Variants in TRPC4 observed in about 807,000 individuals in gnomAD.
The protein encoded by TRPC4 is transient receptor potential cation channel subfamily C member 4.
TRPC4 carries 49 observed loss-of-function variants against 99.4 expected under a neutral mutation model. The observed-to-expected ratio is 0.49, with a 90% CI of 0.39 to 0.63. TRPC4 has a LOEUF of 0.63. TRPC4 is among the 20% of genes least tolerant of loss of function. The pLI, the probability that TRPC4 is intolerant of heterozygous loss-of-function variation, is 0.00. For missense variants in TRPC4, 898 were observed against 1,152.9 expected, an observed-to-expected ratio of 0.78 and a Z score of 3.20; for synonymous variants, 454 against 425.9, an observed-to-expected ratio of 1.07 and a Z score of -0.81.
chr13:37,778,364 A>G (rs2039436), intron 2 of TRPC4, among the ~76,000 whole-genome samples: 148,032 of 152,142 alleles, frequency 0.97, 72,135 homozygotes, highest in East Asian at 1. Context: ...GTGAGATAAA[A>G]CAAGTAAAAT....
At chr13:37,680,290 C>T (rs1267057162) in intron 4 of TRPC4, among the ~76,000 whole-genome samples, 1 of 152,154 alleles carries the variant, frequency 6.6e-6, no homozygotes, top group Non-Finnish European at 1.5e-5. Flanking sequence ...ATTGATTTAG[C>T]AAATGCATTT....
chr13:37,861,416 T>C (rs1250995950), intron 1 of TRPC4, among the ~76,000 whole-genome samples: 1 of 151,652 alleles, frequency 6.6e-6, no homozygotes, highest in Non-Finnish European at 1.5e-5. Flanking sequence ...AGCAATGTAG[T>C]AACTGATAAG....
At chr13:37,815,509 A>G (rs1957825145) in intron 1 of TRPC4, among the ~76,000 whole-genome samples, 1 of 151,976 alleles carries the variant, frequency 6.6e-6, no homozygotes, top group South Asian at 2.1e-4. Context: ...ACAGTGATCA[A>G]AAAAGACAAA....
At position 37,632,717 on chromosome 13, in the gene TRPC4, A is replaced by G. The variant is rs537754060; in HGVS notation, c.*4186T>C. ...TTTAATACATTTTATTATTACCAGTATGCATACAGGTTATCATAAAATCTA... is the reference window on the plus strand; with the variant it reads ...TTTAATACATTTTATTATTACCAGTGTGCATACAGGTTATCATAAAATCTA... On this transcript the variant is annotated 3_prime_UTR_variant, in exon 11 of 11. Transcript: ENST00000379705. 6.6e-6 allele frequency among the ~76,000 whole-genome samples: 1 copy of G among 152,286 alleles called. No individual in the cohort carries two copies. The highest frequency in any genetic ancestry group is 1.9e-4 in the East Asian group (1 of 5,184).
intron 3 of TRPC4, among the ~76,000 whole-genome samples, chr13:37,742,901 T>C (rs948892770): frequency 3.3e-5 from 5 of 152,194 alleles, no homozygotes; most frequent in African/African-American, 1.2e-4. Flanking sequence ...TATATGAAAG[T>C]AAAATGTTAT....
chr13:37,866,847 G>GGT, intron 1 of TRPC4, among the ~76,000 whole-genome samples: 2 of 52,192 alleles, frequency 3.8e-5, no homozygotes, highest in Non-Finnish European at 7.8e-5. Flanking sequence ...TATTTTTTGT[G>GGT]GGGGGGGGCG....
intron 1 of TRPC4, among the ~76,000 whole-genome samples, chr13:37,835,113 G>A (rs573779273): frequency 5.9e-5 from 9 of 151,764 alleles, no homozygotes; most frequent in Non-Finnish European, 1.0e-4. Flanking sequence ...CAAAATAAAA[G>A]CACATTGGAA....
rs376109662 is a variant in TRPC4, at chr13:37,651,464, A to G, written c.1885-5T>C. On this transcript the variant is annotated splice_region_variant and splice_polypyrimidine_tract_variant and intron_variant, in intron 7 of 10. Coordinates refer to ENST00000379705, the MANE Select transcript of TRPC4 (RefSeq NM_016179.4). ...CCATTCTATATCTGCATGGTCCTGA[A>G]CAGGAGAACATGACAACTGATGATA... The G allele has an allele frequency of 2.3e-5, 37 of 1,613,138 alleles. No homozygotes were observed. The highest frequency in any genetic ancestry group is 2.9e-5 in the Non-Finnish European group (34 of 1,179,326).
intron 6 of TRPC4, among the ~76,000 whole-genome samples, chr13:37,656,783 A>G (rs1314609579): frequency 6.6e-6 from 1 of 152,182 alleles, no homozygotes; most frequent in African/African-American, 2.4e-5. Flanking sequence ...TGAATAAGCC[A>G]GGCAATAAGT....
At chr13:37,669,389 T>C (rs931947426) in intron 5 of TRPC4, among the ~76,000 whole-genome samples, 1 of 152,140 alleles carries the variant, frequency 6.6e-6, no homozygotes, top group Non-Finnish European at 1.5e-5. Context: ...TAATACTTCA[T>C]ACACAGTGAA....
intron 2 of TRPC4, 44 bp downstream of exon 2, chr13:37,782,912 C>A (rs1956876786): frequency 1.7e-5 from 24 of 1,395,220 alleles, no homozygotes; most frequent in South Asian, 1.4e-4. Flanking sequence ...AACAAAAAAC[C>A]TTCTGCAGGT....
chr13:37,641,178 T>G (rs1951705495), intron 8 of TRPC4, among the ~76,000 whole-genome samples: 1 of 152,138 alleles, frequency 6.6e-6, no homozygotes, highest in Admixed American at 6.6e-5. Context: ...GTCAAAAAAT[T>G]TTAATACAAA....
intron 3 of TRPC4, among the ~76,000 whole-genome samples, chr13:37,706,438 G>C (rs75997900): frequency 0.019 from 2,850 of 152,220 alleles, 101 homozygotes; most frequent in African/African-American, 0.065. Flanking sequence ...GGGTAAGAAG[G>C]CTGCCTCAGT....
intron 2 of TRPC4, among the ~76,000 whole-genome samples, chr13:37,769,520 T>A (rs1956489595): frequency 6.6e-6 from 1 of 151,562 alleles, no homozygotes; most frequent in Non-Finnish European, 1.5e-5. Context: ...AGGCTACATT[T>A]TGTTTGGTGA....
chr13:37,713,324 C>T (rs1954546082), intron 3 of TRPC4, among the ~76,000 whole-genome samples: 1 of 152,206 alleles, frequency 6.6e-6, no homozygotes, highest in Non-Finnish European at 1.5e-5. Context: ...TACCATTTTA[C>T]ATTCTTTTAT....
Position 37,746,253 on chromosome 13 carries a change from C to A in TRPC4, c.581G>T (p.Arg194Leu). 1.2e-6 allele frequency: 2 copies of A among 1,613,762 alleles called. No homozygotes were observed. Among genetic ancestry groups the A allele is most frequent in the South Asian group, 2.2e-5 (2 of 91,070 alleles). The change falls in exon 3 of 11, where the codon CGC becomes CTC. Residue 194 changes from arginine to leucine, a missense_variant. Transcript: ENST00000379705. ...GGCCTTGTAGATGTTGAGTCTGGAGCGTGAGTGACGGAGGCTGTCCACATC... is the reference window on the plus strand; with the variant it reads ...GGCCTTGTAGATGTTGAGTCTGGAGAGTGAGTGACGGAGGCTGTCCACATC... ...SSDVDSLRHS[R>L]SRLNIYKALA... is the part of the protein sequence containing the mutation.
intron 1 of TRPC4, among the ~76,000 whole-genome samples, chr13:37,844,113 CCAG>C (rs1424935308): frequency 6.6e-6 from 1 of 152,156 alleles, no homozygotes. Flanking sequence ...ATTGGAAATG[CCAG>C]CATGGCTAGA....
At chr13:37,758,097 T>C (rs1248340579) in intron 2 of TRPC4, among the ~76,000 whole-genome samples, 1 of 151,954 alleles carries the variant, frequency 6.6e-6, no homozygotes, top group Non-Finnish European at 1.5e-5. Context: ...AATCATTGTA[T>C]ATATAACAAC....
chr13:37,736,058 G>A (rs963814768), intron 3 of TRPC4, among the ~76,000 whole-genome samples: 2 of 152,114 alleles, frequency 1.3e-5, no homozygotes, highest in African/African-American at 4.8e-5. Flanking sequence ...TTAATTAGCT[G>A]TAAAGAAACT....
Sources: gnomAD v4.1 joint callset for allele counts (sites outside exome capture counted in the v4.1 genomes callset) on GRCh38, gnomAD v4.1.1 for gene constraint, MANE v1.5 for transcripts, NCBI Gene and HGNC (gene_info 2026-07-23, HGNC 2026-07-21) for gene names.